Variants in NFASC observed in about 807,000 individuals in gnomAD.
NFASC encodes neurofascin homolog.
A neutral mutation model predicts 147.5 loss-of-function variants in NFASC; 43 were observed. That is an observed-to-expected ratio of 0.29 (90% CI 0.23 to 0.38). NFASC has a LOEUF of 0.38. NFASC is among the 10% of genes least tolerant of loss of function. The probability of loss-of-function intolerance (pLI) is 1.00; values close to 1 mark genes in which losing one functional copy is unlikely to be tolerated. For synonymous variants in NFASC, 622 were observed against 665.5 expected, an observed-to-expected ratio of 0.93 and a Z score of 1.01; for missense variants, 1,320 against 1,689.0, an observed-to-expected ratio of 0.78 and a Z score of 3.83.
At chr1:204,936,977 G>T (rs1163614077) in intron 2 of NFASC, among the ~76,000 whole-genome samples, 2 of 152,188 alleles carry the variant, frequency 1.3e-5, no homozygotes, top group African/African-American at 2.4e-5. Context: ...CTGCCACAGG[G>T]CCTTTGCACA....
intron 2 of NFASC, among the ~76,000 whole-genome samples, chr1:204,927,203 G>A (rs747778396): frequency 4.6e-5 from 7 of 152,000 alleles, no homozygotes; most frequent in Admixed American, 6.6e-5. Context: ...CCCAGCCCCC[G>A]CAAGAATCTA....
intron 24 of NFASC, among the ~76,000 whole-genome samples, chr1:204,991,796 G>A (rs2095742557): frequency 1.3e-5 from 2 of 152,236 alleles, no homozygotes; most frequent in South Asian, 4.1e-4. Flanking sequence ...TGCTGCATGG[G>A]GGCCCGGCAC....
chr1:204,976,999 G>A lies in NFASC; in HGVS notation c.1831+204G>A, dbSNP rs2095420366. 5 of 1,322,342 alleles carry A rather than the reference G, an allele frequency of 3.8e-6. No homozygotes were observed. In the South Asian group the frequency reaches 6.6e-5, roughly 17 times the overall value. 81.9% of individuals were successfully genotyped at this position (1,322,342 alleles called of 1,614,324 possible). ...CTGTGCTGGACAGGTTACCTCCTGA[G>A]TGGAGTCATTAACTTCCCCACGTCT... On this transcript the variant is annotated intron_variant, in intron 16 of 29. Transcript: ENST00000339876.
rs998990991 is a variant in NFASC, at chr1:205,010,435, T to C, written c.3421+747T>C. 5 of 151,946 alleles carry C rather than the reference T, an allele frequency of 3.3e-5. No individual in the cohort carries two copies. The highest frequency in any genetic ancestry group is 4.8e-5 in the African/African-American group (2 of 41,308). 9.4% of individuals were successfully genotyped at this position (151,946 alleles called of 1,614,324 possible). On this transcript the variant is annotated intron_variant, in intron 28 of 29. Transcript: ENST00000339876. The surrounding 1 kb of genome is among the most constrained non-coding windows in gnomAD (Gnocchi z 4.1). ...GACGAAACTCCGTCTCTACTAAATATACAAAAATTAGCTGGGTGTGGTGGC... is the reference window on the plus strand; with the variant it reads ...GACGAAACTCCGTCTCTACTAAATACACAAAAATTAGCTGGGTGTGGTGGC...
chr1:204,873,753 G>A (rs1572288515), intron 1 of NFASC, among the ~76,000 whole-genome samples: 1 of 152,324 alleles, frequency 6.6e-6, no homozygotes, highest in South Asian at 2.1e-4. Flanking sequence ...GGGGATGGGG[G>A]ACTCTTCTTT....
intron 1 of NFASC, among the ~76,000 whole-genome samples, chr1:204,833,685 C>A (rs1021985727): frequency 2.0e-5 from 3 of 152,162 alleles, no homozygotes; most frequent in Non-Finnish European, 4.4e-5. Context: ...CTAATTAAAT[C>A]TTCATTGGTG....
At chr1:204,920,406 A>G (rs1344474839) in intron 1 of NFASC, among the ~76,000 whole-genome samples, 1 of 149,644 alleles carries the variant, frequency 6.7e-6, no homozygotes, top group East Asian at 2.0e-4. Flanking sequence ...AAGAGAGACA[A>G]TCACCCTTGC....
chr1:204,875,869 A>G (rs192392407), intron 1 of NFASC, among the ~76,000 whole-genome samples: 28 of 152,316 alleles, frequency 1.8e-4, no homozygotes, highest in East Asian at 3.9e-4. Context: ...TCTAACTTCT[A>G]TCAGACTGAG....
rs556948347 is a variant in NFASC, at chr1:204,941,018, T to C, written c.-90-3208T>C. Among the ~76,000 whole-genome samples the C allele has an allele frequency of 6.6e-5, 10 of 152,368 alleles. No homozygotes were observed. In the South Asian group the frequency reaches 2.1e-3, roughly 32 times the overall value. The stretch of plus-strand genomic sequence containing the variant: ...CTAACTTTTTGAGGAACTGCCAAAC[T>C]ATACATTTCTTTTTTAAATAGCAAC... On this transcript the variant is annotated intron_variant, in intron 2 of 29. Transcript: ENST00000339876.
In NFASC at chr1:204,977,021, G is replaced by A. The variant is rs576993098; in HGVS notation, c.1831+226G>A. The A allele has an allele frequency of 2.5e-5, 32 of 1,300,410 alleles. 1 individual carries two copies. Among genetic ancestry groups the A allele is most frequent in the South Asian group, 7.4e-5 (3 of 40,536 alleles). The allele number at this position is 1,300,410 out of a possible 1,614,324, so 80.6% of individuals were successfully genotyped here. A position where few individuals can be genotyped will look rare whatever the true frequency, so the allele number is the denominator to read the frequency against. On this transcript the variant is annotated intron_variant, in intron 16 of 29. Coordinates refer to ENST00000339876, the MANE Select transcript of NFASC (RefSeq NM_001005388.3). Reference sequence around the variant, plus strand: ...TGAGTGGAGTCATTAACTTCCCCACGTCTCAACTGAAAGGGGCCTGAGTGA... The same window carrying A: ...TGAGTGGAGTCATTAACTTCCCCACATCTCAACTGAAAGGGGCCTGAGTGA...
At chr1:204,961,462 A>C (rs1355985150) in intron 8 of NFASC, among the ~76,000 whole-genome samples, 1 of 152,218 alleles carries the variant, frequency 6.6e-6, no homozygotes, top group Non-Finnish European at 1.5e-5. Context: ...CTCTCCCGGC[A>C]TCCTCACAAG....
In NFASC at chr1:204,957,657, C is replaced by G; in HGVS notation, c.537C>G (p.Ser179=). The change falls in exon 8 of 30, where the codon TCC becomes TCG. Residue 179 remains serine (S), a splice_region_variant and synonymous_variant. Transcript: ENST00000339876. Reference sequence around the variant, plus strand: ...TGCCGTACCTCTGCTTTCTTATAGCCATGGAGCCCATCACCCAAGACAAAC... The same window carrying G: ...TGCCGTACCTCTGCTTTCTTATAGCGATGGAGCCCATCACCCAAGACAAAC... ...PSPVIFWMSS[S]MEPITQDKRV... is the part of the protein sequence containing the mutation. 1.2e-6 allele frequency: 2 copies of G among 1,614,006 alleles called. No individual in the cohort carries two copies. Among genetic ancestry groups the G allele is most frequent in the Non-Finnish European group, 1.7e-6 (2 of 1,179,908 alleles).
At chr1:205,002,525 C>G (rs1220062767) in intron 26 of NFASC, 71 bp from the exon 27 acceptor site, 6 of 1,279,334 alleles carry the variant, frequency 4.7e-6, no homozygotes, top group Non-Finnish European at 6.2e-6. Context: ...TGACAGGTGA[C>G]CAGGACCTAA....
intron 1 of NFASC, among the ~76,000 whole-genome samples, chr1:204,839,644 G>A (rs1469540579): frequency 6.6e-6 from 1 of 152,218 alleles, no homozygotes; most frequent in Non-Finnish European, 1.5e-5. Flanking sequence ...GCTGTACCGA[G>A]GTAGGGCTGT....
chr1:205,009,480 G>A (rs2096209237), intron 27 of NFASC, 77 bp from the exon 28 acceptor site: 3 of 1,495,514 alleles, frequency 2.0e-6, no homozygotes, highest in Admixed American at 1.7e-5. Flanking sequence ...GATAGCTGAA[G>A]TTCTTCCCTC....
At chr1:204,970,899 C>T in intron 11 of NFASC, 152 bp downstream of exon 11, 1 of 928,926 alleles carries the variant, frequency 1.1e-6, no homozygotes, top group Non-Finnish European at 1.6e-6. Flanking sequence ...TCTCTTCAGA[C>T]ATCTCAAGAG....
Position 204,954,194 on chromosome 1 carries a change from C to T in NFASC, c.222C>T (p.His74=), listed in dbSNP as rs971729346. Residue 74 remains histidine (H), a synonymous_variant, in exon 6 of 30, where the codon CAC becomes CAT. Transcript: ENST00000339876. The surrounding 1 kb of genome is among the most constrained non-coding windows in gnomAD (Gnocchi z 5.7). ...TGCTCCCCACTCTCCACAGCTTCCA[C>T]TGGACACGAAACAGCAGATTCTTCA... ...EAKGNPAPSF[H]WTRNSRFFNI... 2 of 1,614,222 alleles carry T rather than the reference C, an allele frequency of 1.2e-6. No individual in the cohort carries two copies. Among genetic ancestry groups the T allele is most frequent in the Non-Finnish European group, 1.7e-6 (2 of 1,180,038 alleles).
chr1:204,878,392 GCAA>G (rs2079460505), intron 1 of NFASC, among the ~76,000 whole-genome samples: 1 of 152,094 alleles, frequency 6.6e-6, no homozygotes, highest in African/African-American at 2.4e-5. Flanking sequence ...GGCAAAAACC[GCAA>G]TTACTTTTGC....
rs200599473 is a variant in NFASC at position 204,974,840 on chromosome 1, G to A, written c.1558+17G>A. ...AGGTCAAAGGTAAAGGAGAGGGTTC[G>A]CCAGTGGGAGTTTGGAGAGGGACAA... On this transcript the variant is annotated intron_variant, in intron 14 of 29. Transcript: ENST00000339876. The A allele has an allele frequency of 3.1e-6, 5 of 1,613,020 alleles. No homozygotes were observed. The highest frequency in any genetic ancestry group is 1.7e-4 in the Middle Eastern group (1 of 6,052).
Sources: gnomAD v4.1 joint callset for allele counts (sites outside exome capture counted in the v4.1 genomes callset) on GRCh38, gnomAD v4.1.1 for gene constraint, Gnocchi (gnomAD v3.1) non-coding constraint, MANE v1.5 for transcripts, NCBI Gene and HGNC (gene_info 2026-07-23, HGNC 2026-07-21) for gene names.